The following CCDC88A variants were observed in gnomAD, a reference collection of about 807,000 sequenced individuals.
CCDC88A encodes coiled-coil and HOOK domain protein 88A.
Under a neutral mutation model 234.3 loss-of-function variants are expected in CCDC88A, and 54 were observed. The ratio of observed to expected loss-of-function variants is 0.23; its 90% CI spans 0.19 to 0.29. CCDC88A has a LOEUF of 0.29. Ranked by LOEUF, CCDC88A falls within the 10% of genes least tolerant of loss-of-function variation. The pLI, the probability that CCDC88A is intolerant of heterozygous loss-of-function variation, is 1.00. For missense variants in CCDC88A, 1,832 were observed against 2,123.4 expected (o/e 0.86, Z 2.70); for synonymous variants, 753 against 737.8 (o/e 1.02, Z -0.33).
At position 55,328,360 on chromosome 2, in the gene CCDC88A, A is replaced by C; in HGVS notation, c.2931T>G (p.Ala977=). The stretch of plus-strand genomic sequence containing the variant: ...ATTCTTCTAATCGAGCTTCTAAAGC[A>C]GCAATTTTTTCTTCTTTTATTTCAA... ...KSLEIKEEKI[A]ALEARLEEST... Residue 977 remains alanine (A), a synonymous_variant, in exon 17 of 33, where the codon GCT becomes GCG. Transcript: ENST00000436346. This position sits in a 1 kb window ranked among gnomAD's most constrained non-coding sequence, Gnocchi z 4.3. The C allele has an allele frequency of 6.2e-7, 1 of 1,602,222 alleles. No individual in the cohort carries two copies. The highest frequency in any genetic ancestry group is 8.5e-7 in the Non-Finnish European group (1 of 1,174,864).
chr2:55,348,276 AT>A (rs70954104), intron 9 of CCDC88A, among the ~76,000 whole-genome samples: 59,388 of 145,300 alleles, frequency 0.41, 12,391 homozygotes, highest in East Asian at 0.85. Flanking sequence ...AAGTGACTTA[AT>A]TTTTTTTTTT....
At chr2:55,386,435 T>TTTTTC (rs1675649391) in intron 3 of CCDC88A, among the ~76,000 whole-genome samples, 1 of 150,590 alleles carries the variant, frequency 6.6e-6, no homozygotes, top group Non-Finnish European at 1.5e-5. Flanking sequence ...CTCTGTCTCT[T>TTTTTC]TTTTATTTTA....
Position 55,334,038 on chromosome 2 carries a change from A to G in CCDC88A, c.2727+56T>C, listed in dbSNP as rs1268441593. ...ATAGATTCCAATAAAACTTAAAGAA[A>G]CCTTGAGTTAAAAATATAAAAAAAA... On this transcript the variant is annotated intron_variant, in intron 15 of 32. Transcript: ENST00000436346. This position sits in a 1 kb window ranked among gnomAD's most constrained non-coding sequence, Gnocchi z 6.1. 2.3e-5 allele frequency: 13 copies of G among 570,520 alleles called. No individual in the cohort carries two copies. The Admixed American group carries it at 5.3e-4, about 23-fold the overall frequency. 35.3% of individuals were successfully genotyped at this position (570,520 alleles called of 1,614,324 possible). A position where few individuals can be genotyped will look rare whatever the true frequency, so the allele number is the denominator to read the frequency against.
intron 11 of CCDC88A, 82 bp downstream of exon 11, chr2:55,344,286 T>C: frequency 1.0e-6 from 1 of 963,686 alleles, no homozygotes; most frequent in Non-Finnish European, 1.5e-6. Context: ...ACACTAGCCA[T>C]CCTTGCCAAT....
intron 22 of CCDC88A, 70 bp from the exon 23 acceptor site, chr2:55,312,649 A>T: frequency 9.2e-7 from 1 of 1,083,898 alleles, no homozygotes; most frequent in Non-Finnish European, 1.4e-6. Context: ...AAAAATATGA[A>T]GTACTACACA....
Position 55,335,072 on chromosome 2 carries a change from T to A in CCDC88A, c.1749A>T (p.Lys583Asn), listed in dbSNP as rs769812252. ...RSQISAEARV[K>N]DIEKENKILH... ...GAATTTTGTTTTCTTTTTCAATGTC[T>A]TTCACTCTTGCTTCTGCACTTATCT... Residue 583 changes from lysine to asparagine, a missense_variant, in exon 15 of 33, where the codon AAA (lysine) becomes AAT (asparagine). This residue lies in a region of CCDC88A where 1,282 missense variants were observed against 1,543.6 expected (regional missense o/e 0.83). Transcript: ENST00000436346. The surrounding 1 kb of genome is among the most constrained non-coding windows in gnomAD (Gnocchi z 4.5). The A allele has an allele frequency of 3.3e-5, 53 of 1,612,226 alleles. No individual in the cohort carries two copies. Among genetic ancestry groups the A allele is most frequent in the Non-Finnish European group, 4.5e-5 (53 of 1,179,050 alleles).
At chr2:55,384,171 C>T (rs921073190) in intron 3 of CCDC88A, among the ~76,000 whole-genome samples, 3 of 151,770 alleles carry the variant, frequency 2.0e-5, no homozygotes, top group African/African-American at 7.3e-5. Flanking sequence ...CAAAGACAGA[C>T]CTTGTTTCAA....
At chr2:55,352,779 G>C (rs561077887) in intron 8 of CCDC88A, among the ~76,000 whole-genome samples, 1 of 152,112 alleles carries the variant, frequency 6.6e-6, no homozygotes, top group South Asian at 2.1e-4. Flanking sequence ...TAAATCAAAA[G>C]CAATTATATC....
At chr2:55,378,380 T>A (rs1674046460) in intron 3 of CCDC88A, among the ~76,000 whole-genome samples, 1 of 152,248 alleles carries the variant, frequency 6.6e-6, no homozygotes. Context: ...CTCCATATCA[T>A]CTAAAAATGT....
intron 17 of CCDC88A, among the ~76,000 whole-genome samples, chr2:55,325,997 AG>A (rs34649962): frequency 0.3 from 44,867 of 152,068 alleles, 6,958 homozygotes; most frequent in East Asian, 0.54. Flanking sequence ...GATTTCTGAT[AG>A]GTAGCATATA....
At chr2:55,314,678 T>G (rs1682767405) in intron 22 of CCDC88A, 1 of 152,386 alleles carries the variant, frequency 6.6e-6, no homozygotes. Context: ...GTGCTGGGAT[T>G]ACAGGCATGA....
At chr2:55,351,992 C>T (rs896051712) in intron 8 of CCDC88A, among the ~76,000 whole-genome samples, 1 of 152,098 alleles carries the variant, frequency 6.6e-6, no homozygotes, top group Non-Finnish European at 1.5e-5. Context: ...TTGTATGATT[C>T]CATTTATACA....
intron 13 of CCDC88A, chr2:55,337,467 C>T (rs919302671): frequency 6.6e-6 from 1 of 151,972 alleles, no homozygotes; most frequent in African/African-American, 2.4e-5. Context: ...CATATTCAAA[C>T]CAGGCAATTT....
chr2:55,333,435 C>T (rs914927699), intron 15 of CCDC88A, among the ~76,000 whole-genome samples: 1 of 152,158 alleles, frequency 6.6e-6, no homozygotes, highest in Non-Finnish European at 1.5e-5. Flanking sequence ...ATACTAGTTG[C>T]TCAGTGTTGA....
chr2:55,312,104 A>T (rs929297041), intron 23 of CCDC88A, among the ~76,000 whole-genome samples: 7 of 152,166 alleles, frequency 4.6e-5, no homozygotes, highest in African/African-American at 1.7e-4. Flanking sequence ...TCATCTTTGG[A>T]AAGTTCACCT....
At chr2:55,397,436 TA>T (rs1677815967) in intron 2 of CCDC88A, 1 of 152,034 alleles carries the variant, frequency 6.6e-6, no homozygotes, top group Admixed American at 6.6e-5. Context: ...TATATAAATT[TA>T]AAAACTGTAT....
In CCDC88A at chr2:55,364,048, TA is replaced by T. The variant is rs761565644; in HGVS notation, c.403-16del. 6.4e-6 allele frequency: 8 copies of T among 1,254,642 alleles called. No individual in the cohort carries two copies. The Admixed American group carries it at 8.9e-5, about 14-fold the overall frequency. The allele number at this position is 1,254,642 out of a possible 1,614,324, so 77.7% of individuals were successfully genotyped here. A position where few individuals can be genotyped will look rare whatever the true frequency, so the allele number is the denominator to read the frequency against. Reference sequence around the variant, plus strand: ...TTTTTCTGACACTAAAATAAATGAATAAAATAGTTATTCATACTTTATAGGG... The same window carrying T: ...TTTTTCTGACACTAAAATAAATGAATAAATAGTTATTCATACTTTATAGGG... On this transcript the variant is annotated splice_polypyrimidine_tract_variant and intron_variant, in intron 5 of 32. Coordinates refer to ENST00000436346, the MANE Select transcript of CCDC88A (RefSeq NM_001365480.1).
At chr2:55,375,469 C>CTCTATA (rs1673486428) in intron 3 of CCDC88A, among the ~76,000 whole-genome samples, 1 of 26,606 alleles carries the variant, frequency 3.8e-5, no homozygotes, top group South Asian at 1.0e-3. Flanking sequence ...TGTCACTGTA[C>CTCTATA]TATATATATA....
intron 2 of CCDC88A, 144 bp from the exon 3 acceptor site, chr2:55,389,030 T>C: frequency 3.5e-6 from 1 of 287,292 alleles, no homozygotes; most frequent in Non-Finnish European, 6.4e-6. Context: ...AAAGGGCAGA[T>C]TATTACTTTG....
Sources: allele counts gnomAD v4.1 joint callset (sites outside exome capture counted in the v4.1 genomes callset), GRCh38; gene constraint gnomAD v4.1.1; regional missense constraint gnomAD v4.1.1; non-coding constraint Gnocchi (gnomAD v3.1); transcripts MANE v1.5; gene names NCBI Gene and HGNC (gene_info 2026-07-23, HGNC 2026-07-21).